KATNAL1: variants seen among roughly 807,000 people sequenced by gnomAD.
KATNAL1 encodes katanin catalytic subunit A1 like 1.
Under a neutral mutation model 55.2 loss-of-function variants are expected in KATNAL1, and 32 were observed. That is an observed-to-expected ratio of 0.58 (90% CI 0.44 to 0.78). The LOEUF (loss-of-function observed/expected upper bound fraction) is 0.78, where lower values mean the gene tolerates loss of function less well. Among genes scored for constraint, KATNAL1 ranks in the 30% least tolerant of loss-of-function variants. The probability of loss-of-function intolerance (pLI) is 0.00; values close to 1 mark genes in which losing one functional copy is unlikely to be tolerated. For synonymous variants in KATNAL1, 193 were observed against 193.6 expected, an observed-to-expected ratio of 1.00 and a Z score of 0.02; for missense variants, 466 against 600.9, an observed-to-expected ratio of 0.78 and a Z score of 2.35.
At chr13:30,254,398 T>TA (rs1878607484) in intron 4 of KATNAL1, among the ~76,000 whole-genome samples, 1 of 152,092 alleles carries the variant, frequency 6.6e-6, no homozygotes, top group African/African-American at 2.4e-5. Context: ...CTACAAACAT[T>TA]AAAAAAATCT....
chr13:30,269,288 T>A (rs2137499545), intron 3 of KATNAL1, among the ~76,000 whole-genome samples: 1 of 152,362 alleles, frequency 6.6e-6, no homozygotes, highest in African/African-American at 2.4e-5. Flanking sequence ...TTCGCTGTGT[T>A]GGCCGGGCTG....
chr13:30,254,303 T>C lies in KATNAL1; in HGVS notation c.492+1144A>G, dbSNP rs572021909. Among the ~76,000 whole-genome samples, 12 of 152,314 alleles carry C rather than the reference T, an allele frequency of 7.9e-5. No individual in the cohort carries two copies. In the South Asian group the frequency reaches 2.1e-3, roughly 26 times the overall value. ...GGAGGGAACAAATTTTAAAAGTTAA[T>C]GTATTTATTACTACCCTTCACTAAT... is the stretch of plus-strand genomic sequence containing the variant. On this transcript the variant is annotated intron_variant, in intron 4 of 10. Coordinates refer to ENST00000380615, the MANE Select transcript of KATNAL1 (RefSeq NM_032116.5).
chr13:30,256,446 T>C (rs1442590074), intron 3 of KATNAL1, among the ~76,000 whole-genome samples: 1 of 152,196 alleles, frequency 6.6e-6, no homozygotes, highest in East Asian at 1.9e-4. Flanking sequence ...TACCTCTGTT[T>C]TCCTACCTTT....
chr13:30,270,397 G>A (rs1255377484), intron 3 of KATNAL1, among the ~76,000 whole-genome samples: 8 of 152,004 alleles, frequency 5.3e-5, no homozygotes, highest in Non-Finnish European at 8.8e-5. Flanking sequence ...CCCTCTGCCC[G>A]GCCACCACCC....
intron 3 of KATNAL1, among the ~76,000 whole-genome samples, chr13:30,270,481 C>T (rs993872216): frequency 4.6e-5 from 7 of 151,596 alleles, no homozygotes; most frequent in African/African-American, 1.5e-4. Flanking sequence ...GAATAGAAAG[C>T]GGGGAAAGGT....
chr13:30,229,094 T>C (rs543151987), intron 8 of KATNAL1, among the ~76,000 whole-genome samples: 1 of 152,312 alleles, frequency 6.6e-6, no homozygotes, highest in African/African-American at 2.4e-5. Flanking sequence ...TCTGTTCTAA[T>C]GTTTTGCTTG....
In KATNAL1 at chr13:30,205,532, TAACAAAACAA is replaced by T. The variant is rs904056887; in HGVS notation, c.*2998_*3007del. On this transcript the variant is annotated 3_prime_UTR_variant, in exon 11 of 11. Transcript: ENST00000380615. ...ATGCATCTGCTACCGCAACACTGAA[TAACAAAACAA>T]AACGAAGCAAAACAATTCAATCTCA... 2 of 152,218 alleles carry T rather than the reference TAACAAAACAA, an allele frequency of 1.3e-5. No individual in the cohort carries two copies. The highest frequency in any genetic ancestry group is 4.8e-5 in the African/African-American group (2 of 41,446). 9.4% of individuals were successfully genotyped at this position (152,218 alleles called of 1,614,324 possible). A position where few individuals can be genotyped will look rare whatever the true frequency, so the allele number is the denominator to read the frequency against.
rs536712427 is a variant in KATNAL1 at position 30,236,137 on chromosome 13, G to A, written c.726+4323C>T. On this transcript the variant is annotated intron_variant, in intron 6 of 10. Coordinates refer to ENST00000380615, the MANE Select transcript of KATNAL1 (RefSeq NM_032116.5). ...GGCAGAAGAAAAGCCATGTGTAAGGGGACCCACGATGTTCATGCCTATGTC... is the reference window on the plus strand; with the variant it reads ...GGCAGAAGAAAAGCCATGTGTAAGGAGACCCACGATGTTCATGCCTATGTC... Among the ~76,000 whole-genome samples the A allele has an allele frequency of 1.4e-4, 21 of 152,248 alleles. No homozygotes were observed. In the South Asian group the frequency reaches 4.1e-3, roughly 30 times the overall value.
chr13:30,300,785 A>G (rs1337806579), intron 1 of KATNAL1, among the ~76,000 whole-genome samples: 1 of 152,228 alleles, frequency 6.6e-6, no homozygotes, highest in Non-Finnish European at 1.5e-5. Context: ...TAAAGAAAAC[A>G]ACCACAAACC....
In KATNAL1 at chr13:30,203,592, T is replaced by C. The variant is rs1416342964; in HGVS notation, c.*4948A>G. 1 of 152,206 alleles carries C rather than the reference T, an allele frequency of 6.6e-6. No individual in the cohort carries two copies. Among genetic ancestry groups the C allele is most frequent in the Admixed American group, 6.5e-5 (1 of 15,286 alleles). The allele number at this position is 152,206 out of a possible 1,614,324, so 9.4% of individuals were successfully genotyped here. On this transcript the variant is annotated 3_prime_UTR_variant, in exon 11 of 11. Transcript: ENST00000380615. ...TCCATATGTACAAAAACCTACACAC[T>C]GTTGGTAATAAAGCAATATCTAGGG...
intron 1 of KATNAL1, among the ~76,000 whole-genome samples, chr13:30,305,142 G>A (rs772933918): frequency 4.6e-5 from 7 of 151,980 alleles, no homozygotes; most frequent in East Asian, 3.9e-4. Flanking sequence ...CAAATCTGAC[G>A]CCACCACCAC....
At chr13:30,223,771 T>C (rs1469169881) in intron 9 of KATNAL1, among the ~76,000 whole-genome samples, 1 of 152,106 alleles carries the variant, frequency 6.6e-6, no homozygotes, top group Non-Finnish European at 1.5e-5. Flanking sequence ...AGATGAAGAT[T>C]TCCATAAGCC....
chr13:30,279,306 A>G (rs1881094383), intron 3 of KATNAL1, among the ~76,000 whole-genome samples: 1 of 152,246 alleles, frequency 6.6e-6, no homozygotes, highest in South Asian at 2.1e-4. Context: ...AAATAAAACC[A>G]TGGTCCTTGT....
In KATNAL1 at chr13:30,202,935, T is replaced by A. The variant is rs571161809; in HGVS notation, c.*5605A>T. The A allele has an allele frequency of 1.3e-5, 2 of 152,332 alleles. No individual in the cohort carries two copies. Among genetic ancestry groups the A allele is most frequent in the African/African-American group, 4.8e-5 (2 of 41,580 alleles). The allele number at this position is 152,332 out of a possible 1,614,324, so 9.4% of individuals were successfully genotyped here. A position where few individuals can be genotyped will look rare whatever the true frequency, so the allele number is the denominator to read the frequency against. The stretch of plus-strand genomic sequence containing the variant: ...GCCGTACCATCATATGAATATACAT[T>A]TGTCAGTAAAAATGTGACAAAAATG... On this transcript the variant is annotated 3_prime_UTR_variant, in exon 11 of 11. Coordinates refer to ENST00000380615, the MANE Select transcript of KATNAL1 (RefSeq NM_032116.5).
chr13:30,244,408 T>C (rs942358071), intron 4 of KATNAL1, among the ~76,000 whole-genome samples: 5 of 152,164 alleles, frequency 3.3e-5, no homozygotes, highest in South Asian at 2.1e-4. Flanking sequence ...TGTGTCTTTA[T>C]AGAATGATTT....
intron 4 of KATNAL1, among the ~76,000 whole-genome samples, chr13:30,242,296 T>A (rs913683168): frequency 1.3e-5 from 2 of 152,180 alleles, no homozygotes; most frequent in Admixed American, 6.5e-5. Flanking sequence ...AATGTCCAAG[T>A]GGCTGGAAAG....
intron 3 of KATNAL1, among the ~76,000 whole-genome samples, chr13:30,278,282 A>T (rs1881016406): frequency 6.6e-6 from 1 of 152,088 alleles, no homozygotes; most frequent in African/African-American, 2.4e-5. Context: ...AAGAGGAAAA[A>T]AAAAACACAC....
chr13:30,281,243 T>C (rs865939634), intron 2 of KATNAL1, among the ~76,000 whole-genome samples: 7 of 151,072 alleles, frequency 4.6e-5, no homozygotes, highest in Middle Eastern at 3.2e-3. Flanking sequence ...TTTTCCCTCA[T>C]CTTTATATTG....
intron 3 of KATNAL1, among the ~76,000 whole-genome samples, chr13:30,255,965 T>C (rs1441560098): frequency 6.6e-6 from 1 of 152,238 alleles, no homozygotes; most frequent in Admixed American, 6.5e-5. Context: ...ATTACTGTCC[T>C]AAACCAAGAA....
Sources: allele counts gnomAD v4.1 joint callset (sites outside exome capture counted in the v4.1 genomes callset), GRCh38; gene constraint gnomAD v4.1.1; transcripts MANE v1.5; gene names NCBI Gene and HGNC (gene_info 2026-07-23, HGNC 2026-07-21).